Variants in UMODL1 observed in about 807,000 individuals in gnomAD.
UMODL1 encodes uromodulin like 1, also known as uromodulin-like 1.
UMODL1 carries 128 observed loss-of-function variants against 136.3 expected under a neutral mutation model. The observed-to-expected ratio is 0.94, with a 90% CI of 0.81 to 1.09. The LOEUF (loss-of-function observed/expected upper bound fraction) is 1.09. UMODL1 is among the 50% of genes least tolerant of loss of function. The probability of loss-of-function intolerance (pLI) is 0.00; values close to 1 mark genes in which losing one functional copy is unlikely to be tolerated. For missense variants in UMODL1, 1,766 were observed against 1,725.6 expected (o/e 1.02, Z -0.41); for synonymous variants, 721 against 720.0 (o/e 1.00, Z -0.02).
At chr21:42,078,846 G>T (rs1420289639) in intron 2 of UMODL1, among the ~76,000 whole-genome samples, 6 of 152,260 alleles carry the variant, frequency 3.9e-5, no homozygotes, top group African/African-American at 1.4e-4. Context: ...TGCTGCTCAG[G>T]TGCTGGTCTA....
chr21:42,094,735 T>G (rs900013143), intron 6 of UMODL1, among the ~76,000 whole-genome samples: 1 of 152,160 alleles, frequency 6.6e-6, no homozygotes, highest in African/African-American at 2.4e-5. Flanking sequence ...AAAAGAGAGA[T>G]TGGCCTTAGC....
chr21:42,129,078 G>C (rs577251593), intron 20 of UMODL1, among the ~76,000 whole-genome samples: 1 of 151,734 alleles, frequency 6.6e-6, no homozygotes, highest in Admixed American at 6.6e-5. Context: ...TCTCGGTGTT[G>C]CCTTCCCTCA....
intron 5 of UMODL1, among the ~76,000 whole-genome samples, chr21:42,088,812 C>T (rs1043931594): frequency 1.2e-4 from 18 of 152,062 alleles, no homozygotes; most frequent in Non-Finnish European, 4.4e-5. Flanking sequence ...CTAGTGGACA[C>T]TGGAGTGCAA....
At chr21:42,095,522 A>C in intron 6 of UMODL1, among the ~76,000 whole-genome samples, 1 of 151,884 alleles carries the variant, frequency 6.6e-6, no homozygotes, top group East Asian at 1.9e-4. Flanking sequence ...GACACTTGTG[A>C]TTGCATTTAG....
intron 21 of UMODL1, among the ~76,000 whole-genome samples, chr21:42,130,545 GT>G (rs2123378312): frequency 6.6e-6 from 1 of 152,286 alleles, no homozygotes; most frequent in South Asian, 2.1e-4. Flanking sequence ...GCGTCCCCAG[GT>G]TTTGCTGGTA....
In UMODL1 at chr21:42,085,284, T is replaced by C. The variant is rs772129614; in HGVS notation, c.482-7T>C. 6.8e-6 allele frequency: 11 copies of C among 1,613,548 alleles called. No individual in the cohort carries two copies. The highest frequency in any genetic ancestry group is 8.5e-7 in the Non-Finnish European group (1 of 1,179,744). On this transcript the variant is annotated splice_polypyrimidine_tract_variant and splice_region_variant and intron_variant, in intron 3 of 22. Transcript: ENST00000408910. This position sits in a 1 kb window ranked among gnomAD's most constrained non-coding sequence, Gnocchi z 4.5. ...GTCCATAATCATCAGTGTTTTCCCTTGTGTAGCTCCAGAGAGGGACCCTGT... is the reference window on the plus strand; with the variant it reads ...GTCCATAATCATCAGTGTTTTCCCTCGTGTAGCTCCAGAGAGGGACCCTGT...
chr21:42,103,657 C>T, intron 8 of UMODL1: 1 of 691,634 alleles, frequency 1.4e-6, no homozygotes, highest in Non-Finnish European at 2.7e-6. Context: ...CCAGCACACA[C>T]CAGGCCAGGC....
rs114507472 is a variant in UMODL1, at chr21:42,087,021, G to A, written c.604-1273G>A. ...TAATCATAACCCTGCCTGAGACAGGGCCATGAGCTTAAATCATACATGTAA... is the reference window on the plus strand; with the variant it reads ...TAATCATAACCCTGCCTGAGACAGGACCATGAGCTTAAATCATACATGTAA... On this transcript the variant is annotated intron_variant, in intron 4 of 22. Transcript: ENST00000408910. 9.4e-3 allele frequency among the ~76,000 whole-genome samples: 1,429 copies of A among 152,280 alleles called. 19 individuals are homozygous for A. The highest frequency in any genetic ancestry group is 0.033 in the African/African-American group (1,361 of 41,556).
rs530066243 is a variant in UMODL1 at position 42,115,118 on chromosome 21, G to A, written c.2363-755G>A. ...GAGATGGACTCTAAGCCCCCTGAGG[G>A]GAGAGCTGTGTCTTTCTCCTTCACT... On this transcript the variant is annotated intron_variant, in intron 13 of 22. Coordinates refer to ENST00000408910, the MANE Select transcript of UMODL1 (RefSeq NM_001004416.3). 1.1e-4 allele frequency among the ~76,000 whole-genome samples: 16 copies of A among 152,358 alleles called. 1 individual carries two copies. In the South Asian group the frequency reaches 3.1e-3, roughly 30 times the overall value.
chr21:42,067,469 A>G (rs1266468610), upstream of UMODL1, among the ~76,000 whole-genome samples: 1 of 152,204 alleles, frequency 6.6e-6, no homozygotes, highest in African/African-American at 2.4e-5. Flanking sequence ...GTAATTTCTC[A>G]TTTAGGAAAC....
At chr21:42,118,884 T>G (rs1445437651) in intron 14 of UMODL1, among the ~76,000 whole-genome samples, 2 of 151,986 alleles carry the variant, frequency 1.3e-5, no homozygotes, top group African/African-American at 2.4e-5. Context: ...TTTACTGGTT[T>G]GGGGGGGGAA....
At chr21:42,134,876 A>G (rs1223929064) in intron 21 of UMODL1, among the ~76,000 whole-genome samples, 4 of 151,880 alleles carry the variant, frequency 2.6e-5, no homozygotes, top group Non-Finnish European at 5.9e-5. Context: ...CGCCCGCCTC[A>G]GCCTCCCAAG....
chr21:42,133,729 C>T (rs1049065161), intron 21 of UMODL1, among the ~76,000 whole-genome samples: 1 of 152,214 alleles, frequency 6.6e-6, no homozygotes, highest in African/African-American at 2.4e-5. Context: ...TCCCTCCAGT[C>T]TCTGCCCCCG....
chr21:42,095,094 T>TTTTTTTTTTTG (rs1472439853), intron 6 of UMODL1, among the ~76,000 whole-genome samples: 2 of 117,130 alleles, frequency 1.7e-5, no homozygotes, highest in Non-Finnish European at 3.6e-5. Context: ...CTGCTGTTTT[T>TTTTTTTTTTTG]TTTTTTTTTT....
chr21:42,139,772 A>G (rs2067254338), intron 22 of UMODL1, among the ~76,000 whole-genome samples: 2 of 152,082 alleles, frequency 1.3e-5, no homozygotes, highest in South Asian at 4.2e-4. Flanking sequence ...CTATCTAGGG[A>G]GGTGACTGGT....
intron 18 of UMODL1, 70 bp from the exon 19 acceptor site, chr21:42,126,936 G>T (rs1395537845): frequency 1.6e-6 from 2 of 1,243,552 alleles, no homozygotes; most frequent in Non-Finnish European, 2.4e-6. Context: ...TAGGGGAGAA[G>T]TGGGAATGGG....
chr21:42,089,423 C>T (rs992361623), intron 5 of UMODL1, among the ~76,000 whole-genome samples: 1 of 152,164 alleles, frequency 6.6e-6, no homozygotes, highest in African/African-American at 2.4e-5. Flanking sequence ...GTTCTGTCAT[C>T]TGCTCTGTCA....
rs1193759850 is a variant in UMODL1 at position 42,122,974 on chromosome 21, G to A, written c.2971G>A (p.Val991Met). The change falls in exon 17 of 23, where the codon GTG becomes ATG. Residue 991 changes from valine to methionine, a missense_variant. Transcript: ENST00000408910. This position sits in a 1 kb window ranked among gnomAD's most constrained non-coding sequence, Gnocchi z 4.3. ...GCTGAACCTGACCGGAGCAGTCAGG[G>A]TGCTCTGTGAGATCGAGAAGGTGGT... ...QRLNLTGAVR[V>M]LCEIEKVVVA... is the part of the protein sequence containing the mutation. 4.3e-6 allele frequency: 7 copies of A among 1,613,942 alleles called. No homozygotes were observed. Among genetic ancestry groups the A allele is most frequent in the Non-Finnish European group, 5.9e-6 (7 of 1,180,048 alleles).
At chr21:42,091,975 G>A (rs2066497082) in intron 6 of UMODL1, among the ~76,000 whole-genome samples, 1 of 152,224 alleles carries the variant, frequency 6.6e-6, no homozygotes, top group African/African-American at 2.4e-5. Context: ...GGGTAAGGCA[G>A]GAAAACAGCT....
Sources: allele counts gnomAD v4.1 joint callset (sites outside exome capture counted in the v4.1 genomes callset), GRCh38; gene constraint gnomAD v4.1.1; non-coding constraint Gnocchi (gnomAD v3.1); transcripts MANE v1.5; gene names NCBI Gene and HGNC (gene_info 2026-07-23, HGNC 2026-07-21).